The following STOML1 variants were observed in gnomAD, a reference collection of about 807,000 sequenced individuals.
STOML1 encodes the protein stomatin like 1.
In STOML1, 27 loss-of-function variants were observed where a neutral mutation model predicts 35.7. The observed-to-expected ratio is 0.76, with a 90% CI of 0.56 to 1.04. STOML1 has a LOEUF of 1.04. Among genes scored for constraint, STOML1 ranks in the 50% least tolerant of loss-of-function variants. The pLI is 0.00. For synonymous variants in STOML1, 219 were observed against 227.9 expected (o/e 0.96, Z 0.35); for missense variants, 451 against 527.1 (o/e 0.86, Z 1.41).
chr15:73,992,846 A>G (rs1355614026), upstream of STOML1, among the ~76,000 whole-genome samples: 2 of 152,192 alleles, frequency 1.3e-5, no homozygotes, highest in Non-Finnish European at 2.9e-5. Context: ...GATCAAGGAC[A>G]TGCTATATCA....
Position 73,982,392 on chromosome 15 carries a change from C to T in STOML1, c.*1545G>A, listed in dbSNP as rs1268564022. The T allele has an allele frequency of 6.5e-6, 1 of 152,862 alleles. No individual in the cohort carries two copies. Among genetic ancestry groups the T allele is most frequent in the African/African-American group, 2.4e-5 (1 of 41,472 alleles). The allele number at this position is 152,862 out of a possible 1,614,324, so 9.5% of individuals were successfully genotyped here. A position where few individuals can be genotyped will look rare whatever the true frequency, so the allele number is the denominator to read the frequency against. ...GGCCTCCAAGTAGGCAAAGGGGCAACAGCAGGTGCAGCAGCCTGGGACTCT... is the reference window on the plus strand; with the variant it reads ...GGCCTCCAAGTAGGCAAAGGGGCAATAGCAGGTGCAGCAGCCTGGGACTCT... On this transcript the variant is annotated 3_prime_UTR_variant, in exon 7 of 7. Transcript: ENST00000541638.
Position 73,992,256 on chromosome 15 carries a change from G to A in STOML1, c.-33C>T, listed in dbSNP as rs764913611. 1 of 1,576,526 alleles carries A rather than the reference G, an allele frequency of 6.3e-7. No homozygotes were observed. The highest frequency in any genetic ancestry group is 1.8e-5 in the Admixed American group (1 of 54,364). ...GACAGGAGACACGCCCCGCGCCTCC[G>A]CGCGGCGCCCTCCCTGGCCAGTGGG... On this transcript the variant is annotated 5_prime_UTR_variant, in exon 1 of 7. Coordinates refer to ENST00000541638, the MANE Select transcript of STOML1 (RefSeq NM_004809.5).
chr15:73,983,757 G>T lies in STOML1; in HGVS notation c.*180C>A, dbSNP rs151276833. Reference sequence around the variant, plus strand: ...CCTTGTCCAGAGAACCACTGTAGGGGAGACGTGCATGGCAGCCGGACTCAG... The same window carrying T: ...CCTTGTCCAGAGAACCACTGTAGGGTAGACGTGCATGGCAGCCGGACTCAG... On this transcript the variant is annotated 3_prime_UTR_variant, in exon 7 of 7. Transcript: ENST00000541638. 5 of 646,194 alleles carry T rather than the reference G, an allele frequency of 7.7e-6. No homozygotes were observed. The highest frequency in any genetic ancestry group is 1.8e-5 in the African/African-American group (1 of 54,712). 40.0% of individuals were successfully genotyped at this position (646,194 alleles called of 1,614,324 possible).
At position 73,984,875 on chromosome 15, in the gene STOML1, G is replaced by C. The variant is rs557041687; in HGVS notation, c.791-4C>G. The C allele has an allele frequency of 6.2e-7, 1 of 1,613,844 alleles. No homozygotes were observed. The highest frequency in any genetic ancestry group is 1.3e-5 in the African/African-American group (1 of 75,022). On this transcript the variant is annotated splice_polypyrimidine_tract_variant and splice_region_variant and intron_variant, in intron 5 of 6. Coordinates refer to ENST00000541638, the MANE Select transcript of STOML1 (RefSeq NM_004809.5). ...CTCACCATCTCCACGGTGTCTGCTG[G>C]GGGTGGCCAACAGGGTTGGGGAAGG...
chr15:73,991,856 A>G lies in STOML1; in HGVS notation c.133+235T>C, dbSNP rs2069286773. 8 of 640,818 alleles carry G rather than the reference A, an allele frequency of 1.2e-5. No homozygotes were observed. In the South Asian group the frequency reaches 1.5e-4, roughly 12 times the overall value. 39.7% of individuals were successfully genotyped at this position (640,818 alleles called of 1,614,324 possible). On this transcript the variant is annotated intron_variant, in intron 1 of 6. Coordinates refer to ENST00000541638, the MANE Select transcript of STOML1 (RefSeq NM_004809.5). Reference sequence around the variant, plus strand: ...AAATGTGGTGAGGTGAGGTTTTGGAAGATAGGAGCAACGCTGGCTGGCTCT... The same window carrying G: ...AAATGTGGTGAGGTGAGGTTTTGGAGGATAGGAGCAACGCTGGCTGGCTCT...
intron 1 of STOML1, chr15:73,990,729 C>T: frequency 7.2e-6 from 10 of 1,396,898 alleles, no homozygotes; most frequent in Non-Finnish European, 8.8e-6. Flanking sequence ...CATTCAATCT[C>T]AGAATCCAGT....
At position 73,983,878 on chromosome 15, in the gene STOML1, A is replaced by G. The variant is rs1024826067; in HGVS notation, c.*59T>C. ...GCAGATGAACACCTCCTCCTCCAAG[A>G]GGCCCCTCAGGCTTGGTGCCAGGCT... is the stretch of plus-strand genomic sequence containing the variant. On this transcript the variant is annotated 3_prime_UTR_variant, in exon 7 of 7. Transcript: ENST00000541638. 8 of 1,537,334 alleles carry G rather than the reference A, an allele frequency of 5.2e-6. No homozygotes were observed. Among genetic ancestry groups the G allele is most frequent in the Non-Finnish European group, 7.0e-6 (8 of 1,138,276 alleles).
upstream of STOML1, among the ~76,000 whole-genome samples, chr15:73,992,883 C>T (rs1167102914): frequency 6.6e-6 from 1 of 152,208 alleles, no homozygotes. Flanking sequence ...TTCTCTCACA[C>T]TGGAGGCAGG....
rs2069008297 is a variant in STOML1 at position 73,984,042 on chromosome 15, G to A, written c.1092C>T (p.Cys364=). Residue 364 remains cysteine, a synonymous_variant, in exon 7 of 7, where the codon TGC becomes TGT. Coordinates refer to ENST00000541638, the MANE Select transcript of STOML1 (RefSeq NM_004809.5). ...AGGCCCCCAGGGGCCGCAGCTCTCT[G>A]CATAGCAGGGCCCGCAGGTCTGCCT... ...MAEADLRALL[C]RELRPLGAYM... 6.2e-7 allele frequency: 1 copy of A among 1,614,050 alleles called. No homozygotes were observed. The highest frequency in any genetic ancestry group is 8.5e-7 in the Non-Finnish European group (1 of 1,180,024).
Position 73,988,886 on chromosome 15 carries a change from A to G in STOML1, c.391-84T>C. Reference sequence around the variant, plus strand: ...GGCCCACTGGGGCCACCCAGCTTGAACCACCTGCTTGGCAGCTAGCTCCTC... The same window carrying G: ...GGCCCACTGGGGCCACCCAGCTTGAGCCACCTGCTTGGCAGCTAGCTCCTC... On this transcript the variant is annotated intron_variant, in intron 3 of 6. Coordinates refer to ENST00000541638, the MANE Select transcript of STOML1 (RefSeq NM_004809.5). The surrounding 1 kb of genome is among the most constrained non-coding windows in gnomAD (Gnocchi z 4.8). 1 of 1,535,674 alleles carries G rather than the reference A, an allele frequency of 6.5e-7. No homozygotes were observed.
Position 73,988,193 on chromosome 15 carries a change from T to C in STOML1, c.594+406A>G, listed in dbSNP as rs549362669. ...AAATCACAAGCATGCACACGCTGCATGGTGAGCCTGGAATTCCCCAGCAGG... is the reference window on the plus strand; with the variant it reads ...AAATCACAAGCATGCACACGCTGCACGGTGAGCCTGGAATTCCCCAGCAGG... On this transcript the variant is annotated intron_variant, in intron 4 of 6. Coordinates refer to ENST00000541638, the MANE Select transcript of STOML1 (RefSeq NM_004809.5). This position sits in a 1 kb window ranked among gnomAD's most constrained non-coding sequence, Gnocchi z 4.8. The C allele has an allele frequency of 5.1e-6, 1 of 194,248 alleles. No homozygotes were observed. The highest frequency in any genetic ancestry group is 2.3e-5 in the African/African-American group (1 of 43,054). 12.0% of individuals were successfully genotyped at this position (194,248 alleles called of 1,614,324 possible).
intron 1 of STOML1, 38 bp from the exon 2 acceptor site, chr15:73,990,495 C>T (rs755429098): frequency 2.3e-5 from 35 of 1,554,460 alleles, no homozygotes; most frequent in Admixed American, 9.1e-5. Flanking sequence ...TGGACCTGCA[C>T]GACAGCTGCC....
chr15:73,993,141 C>G (rs1174599532), upstream of STOML1, among the ~76,000 whole-genome samples: 1 of 152,196 alleles, frequency 6.6e-6, no homozygotes, highest in East Asian at 1.9e-4. Flanking sequence ...GGGGATAGCA[C>G]AGAGCTACAT....
At position 73,992,191 on chromosome 15, in the gene STOML1, G is replaced by A. The variant is rs1271402924; in HGVS notation, c.33C>T (p.Pro11=). 3 of 1,607,160 alleles carry A rather than the reference G, an allele frequency of 1.9e-6. No individual in the cohort carries two copies. The highest frequency in any genetic ancestry group is 2.5e-6 in the Non-Finnish European group (3 of 1,177,662). The change falls in exon 1 of 7, where the codon CCC becomes CCT. Residue 11 remains proline, a synonymous_variant. Transcript: ENST00000541638. ...GCTGGAAGCGGTCAAAATCACCCAG[G>A]GGCAGCGCCCGGTACCCAGACCTGC... is the stretch of plus-strand genomic sequence containing the variant. MLGRSGYRAL[P]LGDFDRFQQS... is the part of the protein sequence containing the mutation.
rs2277600 is a variant in STOML1 at position 73,984,694 on chromosome 15, C to G, written c.968G>C (p.Gly323Ala). The G allele has an allele frequency of 2.9e-5, 46 of 1,613,990 alleles. No individual in the cohort carries two copies. In the East Asian group the frequency reaches 9.6e-4, roughly 34 times the overall value. The change falls in exon 6 of 7, where the codon GGC becomes GCC. Residue 323 changes from glycine to alanine, a missense_variant. Gly to Ala is a moderately conservative substitution (Grantham distance 60). Coordinates refer to ENST00000541638, the MANE Select transcript of STOML1 (RefSeq NM_004809.5). ...CYQFNVVLPS[G>A]TQSAYFLDLT... ...GTCCAGGAAGTAGGCGCTTTGGGTG[C>G]CGCTGGGCAGGACGACATTGAACTG...
In STOML1 at chr15:73,990,407, G is replaced by A. The variant is rs1202930147; in HGVS notation, c.184C>T (p.Leu62=). ...GTGACCAACAGCAGCAAGAACCCCA[G>A]GAAACTGATGAGGCCATGACAGAGG... ...SCLCHGLISF[L]GFLLLLVTFP... The change falls in exon 2 of 7, where the codon CTG becomes TTG. Residue 62 remains leucine, a synonymous_variant. Coordinates refer to ENST00000541638, the MANE Select transcript of STOML1 (RefSeq NM_004809.5). The A allele has an allele frequency of 1.6e-5, 26 of 1,614,156 alleles. No individual in the cohort carries two copies. The highest frequency in any genetic ancestry group is 2.2e-5 in the Non-Finnish European group (26 of 1,180,024).
At chr15:73,990,496 G>A (rs1159062233) in intron 1 of STOML1, 39 bp from the exon 2 acceptor site, 18 of 1,557,562 alleles carry the variant, frequency 1.2e-5, no homozygotes, top group Admixed American at 1.1e-4. Flanking sequence ...GGACCTGCAC[G>A]ACAGCTGCCA....
In STOML1 at chr15:73,983,944, A is replaced by G; in HGVS notation, c.1190T>C (p.Leu397Ser). 6.2e-7 allele frequency: 1 copy of G among 1,611,034 alleles called. No individual in the cohort carries two copies. Among genetic ancestry groups the G allele is most frequent in the Non-Finnish European group, 8.5e-7 (1 of 1,177,914 alleles). ...AMKLEAVLRA[L>S]K is the part of the protein sequence containing the mutation. ...GAAAGTCAGCCAAGGCTGCTACTTC[A>G]AGGCCCTGAGGACAGCCTCCAGCTT... Residue 397 changes from leucine to serine, a missense_variant, in exon 7 of 7, where the codon TTG (leucine) becomes TCG (serine). By Grantham distance (145) the Leu-to-Ser change is moderately radical. Transcript: ENST00000541638.
intron 4 of STOML1, chr15:73,985,911 G>A (rs528144619): frequency 5.1e-6 from 1 of 196,786 alleles, no homozygotes; most frequent in South Asian, 8.7e-5. Context: ...GTCAGAGGTG[G>A]GGTGTTTCTG....
Sources: allele counts gnomAD v4.1 joint callset (sites outside exome capture counted in the v4.1 genomes callset), GRCh38; gene constraint gnomAD v4.1.1; non-coding constraint Gnocchi (gnomAD v3.1); transcripts MANE v1.5; gene names NCBI Gene and HGNC (gene_info 2026-07-23, HGNC 2026-07-21).